The following RGS6 variants were observed in gnomAD, a reference collection of about 807,000 sequenced individuals.
The protein encoded by RGS6 is regulator of G protein signaling 6.
In RGS6, 30 loss-of-function variants were observed where a neutral mutation model predicts 78.5. The ratio of observed to expected loss-of-function variants is 0.38; its 90% confidence interval spans 0.29 to 0.52. RGS6 has a LOEUF of 0.52. Among genes scored for constraint, RGS6 ranks in the 20% least tolerant of loss-of-function variants. The pLI, the probability that RGS6 is intolerant of heterozygous loss-of-function variation, is 0.85. For missense variants in RGS6, 495 were observed against 609.7 expected (o/e 0.81, Z 1.98); for synonymous variants, 206 against 206.0 (o/e 1.00, Z 0.00).
chr14:72,108,582 A>G (rs768459208), intron 2 of RGS6, among the ~76,000 whole-genome samples: 16 of 152,018 alleles, frequency 1.1e-4, no homozygotes, highest in East Asian at 1.9e-4. Context: ...AAATTTATCA[A>G]TTCTTGAAGG....
At chr14:72,076,067 G>T (rs1050025867) in intron 2 of RGS6, among the ~76,000 whole-genome samples, 3 of 152,130 alleles carry the variant, frequency 2.0e-5, no homozygotes, top group African/African-American at 7.2e-5. Context: ...AAGCAGTCCT[G>T]GGAGACCACA....
the RGS6 span, among the ~76,000 whole-genome samples, chr14:71,925,261 TG>T: frequency 6.6e-6 from 1 of 152,238 alleles, no homozygotes; most frequent in Non-Finnish European, 1.5e-5. Flanking sequence ...CTAATCAGAT[TG>T]TTTTCTTGCG....
intron 2 of RGS6, among the ~76,000 whole-genome samples, chr14:72,157,486 G>T (rs1360829234): frequency 2.0e-5 from 3 of 152,226 alleles, no homozygotes; most frequent in South Asian, 2.1e-4. Context: ...TGTGGCTGAA[G>T]AATTTTCCTC....
intron 2 of RGS6, chr14:71,990,553 A>G: frequency 2.2e-6 from 1 of 455,054 alleles, no homozygotes; most frequent in Non-Finnish European, 4.4e-6. Context: ...TAAGTAGTGG[A>G]GAGGATCATT....
At chr14:72,413,958 T>C (rs898318067) in intron 3 of RGS6, among the ~76,000 whole-genome samples, 1 of 152,106 alleles carries the variant, frequency 6.6e-6, no homozygotes, top group East Asian at 1.9e-4. Flanking sequence ...TGATGGGCTT[T>C]CCTTTGTGGG....
At chr14:72,186,828 G>T (rs547595667) in intron 2 of RGS6, among the ~76,000 whole-genome samples, 1 of 152,172 alleles carries the variant, frequency 6.6e-6, no homozygotes, top group Admixed American at 6.5e-5. Flanking sequence ...AAATGAGTCA[G>T]TGGGAGCAGT....
At chr14:71,990,780 C>A in intron 2 of RGS6, 1 of 456,018 alleles carries the variant, frequency 2.2e-6, no homozygotes, top group Non-Finnish European at 4.4e-6. Context: ...ATGCCTATAT[C>A]CAGCTACCAA....
chr14:72,386,289 G>A (rs1205231233), intron 3 of RGS6, among the ~76,000 whole-genome samples: 2 of 152,156 alleles, frequency 1.3e-5, no homozygotes, highest in East Asian at 1.9e-4. Flanking sequence ...TGTAATCCTA[G>A]CAATTTGGGA....
chr14:71,984,484 G>GAAA (rs370779936), intron 2 of RGS6, among the ~76,000 whole-genome samples: 4 of 117,434 alleles, frequency 3.4e-5, no homozygotes, highest in Non-Finnish European at 6.5e-5. Flanking sequence ...GTCTCAAAAA[G>GAAA]AAAAAAAAAA....
intron 3 of RGS6, among the ~76,000 whole-genome samples, chr14:72,446,631 C>G (rs905057635): frequency 1.3e-5 from 2 of 152,138 alleles, no homozygotes; most frequent in Non-Finnish European, 2.9e-5. Flanking sequence ...TTATTGTGTA[C>G]TTTATTTCTA....
chr14:72,148,912 A>T (rs1200712073), intron 2 of RGS6, among the ~76,000 whole-genome samples: 1 of 152,232 alleles, frequency 6.6e-6, no homozygotes. Flanking sequence ...CAGTTATCTA[A>T]CATTGCATGA....
At chr14:72,100,167 G>A (rs1211668165) in intron 2 of RGS6, among the ~76,000 whole-genome samples, 1 of 152,162 alleles carries the variant, frequency 6.6e-6, no homozygotes, top group Admixed American at 6.5e-5. Flanking sequence ...TAAAAGACGG[G>A]AGTGATTTCC....
intron 2 of RGS6, among the ~76,000 whole-genome samples, chr14:72,229,464 A>G (rs192661227): frequency 1.3e-5 from 2 of 152,120 alleles, no homozygotes; most frequent in East Asian, 3.9e-4. Context: ...GGTACTCCCT[A>G]CATGTACCCT....
intron 2 of RGS6, among the ~76,000 whole-genome samples, chr14:72,210,343 G>A (rs1374717757): frequency 2.0e-5 from 3 of 152,068 alleles, no homozygotes; most frequent in Admixed American, 6.6e-5. Context: ...CAGGTTGCTT[G>A]TATTTTTTTC....
chr14:72,127,190 A>T (rs540817425), intron 2 of RGS6, among the ~76,000 whole-genome samples: 3 of 152,328 alleles, frequency 2.0e-5, no homozygotes, highest in African/African-American at 7.2e-5. Flanking sequence ...AGTGATGGGG[A>T]AAGTTATAAA....
chr14:71,975,093 G>T lies in RGS6; in HGVS notation c.84+10218G>T, dbSNP rs573163467. Among the ~76,000 whole-genome samples, 3 of 152,376 alleles carry T rather than the reference G, an allele frequency of 2.0e-5. No individual in the cohort carries two copies. In the South Asian group the frequency reaches 6.2e-4, roughly 32 times the overall value. ...CACTTGAGCCTGGGAGGTCAAGGCT[G>T]CAGTGGGCCATGATTGTGCCACCAC... is the stretch of plus-strand genomic sequence containing the variant. On this transcript the variant is annotated intron_variant, in intron 2 of 17. Coordinates refer to ENST00000553525, the MANE Select transcript of RGS6 (RefSeq NM_001204424.2).
intron 17 of RGS6, among the ~76,000 whole-genome samples, chr14:72,558,445 T>A (rs943123130): frequency 6.6e-6 from 1 of 152,180 alleles, no homozygotes; most frequent in Admixed American, 6.5e-5. Flanking sequence ...GGTAAGTAAG[T>A]GGCAAAAGCT....
chr14:72,316,896 AGTGTGTGT>A (rs71109731), intron 2 of RGS6, among the ~76,000 whole-genome samples: 88 of 141,924 alleles, frequency 6.2e-4, no homozygotes, highest in African/African-American at 9.0e-4. Context: ...AAGCAGGTGA[AGTGTGTGT>A]GTGTGTGTGT....
chr14:72,622,573 A>G, the RGS6 span, among the ~76,000 whole-genome samples: 1 of 152,172 alleles, frequency 6.6e-6, no homozygotes, highest in Non-Finnish European at 1.5e-5. Flanking sequence ...ATCCTGGATT[A>G]CAATTTCCCA....
Sources: gnomAD v4.1 joint callset for allele counts (sites outside exome capture counted in the v4.1 genomes callset) on GRCh38, gnomAD v4.1.1 for gene constraint, MANE v1.5 for transcripts, NCBI Gene and HGNC (gene_info 2026-07-23, HGNC 2026-07-21) for gene names.